The following RGL1 variants were observed in gnomAD, a reference collection of about 807,000 sequenced individuals.
The protein encoded by RGL1 is ral guanine nucleotide dissociation stimulator-like 1.
RGL1 carries 24 observed loss-of-function variants against 95.2 expected under a neutral mutation model. That is an observed-to-expected ratio of 0.25 (90% CI 0.18 to 0.35). RGL1 has a LOEUF of 0.35. Among genes scored for constraint, RGL1 ranks in the 10% least tolerant of loss-of-function variants. The probability of loss-of-function intolerance (pLI) is 1.00; values close to 1 mark genes in which losing one functional copy is unlikely to be tolerated. For synonymous variants in RGL1, 329 were observed against 344.9 expected (o/e 0.95, Z 0.51); for missense variants, 715 against 936.3 (o/e 0.76, Z 3.08).
In RGL1 at chr1:183,829,734, C is replaced by T. The variant is rs1287634069; in HGVS notation, c.139-17832C>T. 2.6e-5 allele frequency among the ~76,000 whole-genome samples: 4 copies of T among 152,326 alleles called. No homozygotes were observed. The East Asian group carries it at 7.7e-4, about 29-fold the overall frequency. On this transcript the variant is annotated intron_variant, in intron 2 of 17. Transcript: ENST00000360851. ...GTTCACTCTCCTTTGGCCACATCAA[C>T]TTCTTTTTATCCTTCTTGTATTCCA...
At chr1:183,842,833 A>G (rs987043684) in intron 2 of RGL1, among the ~76,000 whole-genome samples, 1 of 152,246 alleles carries the variant, frequency 6.6e-6, no homozygotes, top group African/African-American at 2.4e-5. Context: ...CTAAGATAAT[A>G]TAAGCAAAAA....
rs905067090 is a variant in RGL1, at chr1:183,866,161, T to G, written c.425+88T>G. 47 of 1,124,748 alleles carry G rather than the reference T, an allele frequency of 4.2e-5. 1 individual carries two copies. Among genetic ancestry groups the G allele is most frequent in the Non-Finnish European group, 5.9e-5 (45 of 758,802 alleles). 69.7% of individuals were successfully genotyped at this position (1,124,748 alleles called of 1,614,324 possible). A position where few individuals can be genotyped will look rare whatever the true frequency, so the allele number is the denominator to read the frequency against. On this transcript the variant is annotated intron_variant, in intron 4 of 17. Transcript: ENST00000360851. ...GTAGAGTATTTTATTCCTTTGAATG[T>G]TGCCATGATTTTTTTTTCCATAGTG...
intron 17 of RGL1, among the ~76,000 whole-genome samples, chr1:183,924,048 C>T (rs1669469961): frequency 6.6e-6 from 1 of 152,072 alleles, no homozygotes; most frequent in Non-Finnish European, 1.5e-5. Flanking sequence ...ATACTGTATA[C>T]CTTCTTGTGG....
chr1:183,920,192 G>A (rs1669233949), intron 16 of RGL1, among the ~76,000 whole-genome samples: 1 of 151,966 alleles, frequency 6.6e-6, no homozygotes, highest in Non-Finnish European at 1.5e-5. Context: ...CCACGACCAC[G>A]CCTGGCTAAC....
chr1:183,648,744 C>T, intron 1 of RGL1: 1 of 1,612,612 alleles, frequency 6.2e-7, no homozygotes, highest in South Asian at 1.1e-5. Flanking sequence ...TACTATTGTT[C>T]CATGATTTGC....
chr1:183,712,808 A>G (rs1655365715), intron 1 of RGL1, among the ~76,000 whole-genome samples: 1 of 152,230 alleles, frequency 6.6e-6, no homozygotes, highest in Non-Finnish European at 1.5e-5. Flanking sequence ...TTTCTGGTCT[A>G]AAATAAATGT....
chr1:183,788,299 A>C (rs1660278597), intron 2 of RGL1, among the ~76,000 whole-genome samples: 1 of 152,202 alleles, frequency 6.6e-6, no homozygotes, highest in African/African-American at 2.4e-5. Flanking sequence ...GTCCAAGCAC[A>C]TTAAAAGATG....
Position 183,788,458 on chromosome 1 carries a change from C to G in RGL1, c.133-17917C>G, listed in dbSNP as rs1304208062. 2.2e-4 allele frequency among the ~76,000 whole-genome samples: 34 copies of G among 152,220 alleles called. 1 individual carries two copies. Among genetic ancestry groups the G allele is most frequent in the Admixed American group, 2.2e-3 (33 of 15,292 alleles). On this transcript the variant is annotated intron_variant, in intron 2 of 18. Coordinates refer to the RGL1 transcript ENST00000304685. ...ATCTATTTTACAGAATTTACTGATTCAAATGCTGACCTAAATCCAGAGACA... is the reference window on the plus strand; with the variant it reads ...ATCTATTTTACAGAATTTACTGATTGAAATGCTGACCTAAATCCAGAGACA...
chr1:183,772,866 G>A (rs1314825659), intron 2 of RGL1, among the ~76,000 whole-genome samples: 6 of 151,078 alleles, frequency 4.0e-5, no homozygotes, highest in African/African-American at 7.3e-5. Flanking sequence ...AAAATTAGCC[G>A]GGCGCGGTGG....
intron 1 of RGL1, among the ~76,000 whole-genome samples, chr1:183,695,810 C>T (rs1654217542): frequency 6.6e-6 from 1 of 151,892 alleles, no homozygotes; most frequent in Admixed American, 6.6e-5. Flanking sequence ...TATTTGAAAT[C>T]TAGATTTGTA....
intron 2 of RGL1, among the ~76,000 whole-genome samples, chr1:183,838,881 A>G (rs947128710): frequency 6.6e-6 from 1 of 152,216 alleles, no homozygotes; most frequent in Non-Finnish European, 1.5e-5. Context: ...TACCAACATG[A>G]TGCCACTGAA....
intron 1 of RGL1, among the ~76,000 whole-genome samples, chr1:183,656,879 T>C (rs1205009143): frequency 1.3e-5 from 2 of 152,216 alleles, no homozygotes; most frequent in Non-Finnish European, 2.9e-5. Flanking sequence ...ACTTTCTTTT[T>C]AAGGTTTTTG....
chr1:183,924,782 A>G (rs1669516529), intron 17 of RGL1, among the ~76,000 whole-genome samples: 1 of 127,854 alleles, frequency 7.8e-6, no homozygotes, highest in South Asian at 2.5e-4. Flanking sequence ...CGCCTCTACT[A>G]AAAATACAAA....
At chr1:183,795,178 G>C (rs968528104) in intron 2 of RGL1, among the ~76,000 whole-genome samples, 1 of 152,100 alleles carries the variant, frequency 6.6e-6, no homozygotes, top group African/African-American at 2.4e-5. Flanking sequence ...CACACTTACT[G>C]AGTTTATAGC....
intron 2 of RGL1, among the ~76,000 whole-genome samples, chr1:183,845,348 G>T (rs1383882000): frequency 2.0e-5 from 3 of 152,196 alleles, no homozygotes; most frequent in Non-Finnish European, 4.4e-5. Flanking sequence ...GTTAGGCACA[G>T]ATTTACTGCA....
chr1:183,762,014 A>G (rs1216720747), intron 2 of RGL1, among the ~76,000 whole-genome samples: 1 of 152,246 alleles, frequency 6.6e-6, no homozygotes, highest in Admixed American at 6.5e-5. Context: ...GCTCTGGATT[A>G]GGCCTTGTTA....
At chr1:183,747,083 C>G (rs1657687386) in intron 2 of RGL1, among the ~76,000 whole-genome samples, 1 of 152,068 alleles carries the variant, frequency 6.6e-6, no homozygotes, top group Non-Finnish European at 1.5e-5. Flanking sequence ...GGTTCCAAGT[C>G]TTTGCTATTG....
At chr1:183,805,971 C>CTTTTCTTTTTT (rs1661282214) in intron 1 of RGL1, among the ~76,000 whole-genome samples, 2 of 74,672 alleles carry the variant, frequency 2.7e-5, no homozygotes, top group African/African-American at 1.0e-4. Context: ...CTTTTCTTTT[C>CTTTTCTTTTTT]TTTTTTTTTT....
At position 183,916,452 on chromosome 1, in the gene RGL1, T is replaced by G. The variant is rs766042880; in HGVS notation, c.1755T>G (p.Ser585=). 4 of 1,614,068 alleles carry G rather than the reference T, an allele frequency of 2.5e-6. No individual in the cohort carries two copies. The South Asian group carries it at 4.4e-5, about 18-fold the overall frequency. Residue 585 remains serine, a synonymous_variant, in exon 16 of 18, where the codon TCT becomes TCG. Transcript: ENST00000360851. ...GGGTGTGTTTACTCTTCCAGCTCTC[T>G]GAGTCCTCCTCATCCTGTTCTTCTA... ...DTPDEPQKKL[S]ESSSSCSSIH...
Sources: allele counts gnomAD v4.1 joint callset (sites outside exome capture counted in the v4.1 genomes callset), GRCh38; gene constraint gnomAD v4.1.1; transcripts MANE v1.5; gene names NCBI Gene and HGNC (gene_info 2026-07-23, HGNC 2026-07-21).